Variants in DSCAM observed in about 807,000 individuals in gnomAD.
The protein encoded by DSCAM is DS cell adhesion molecule.
In DSCAM, 47 loss-of-function variants were observed where a neutral mutation model predicts 217.7. That is an observed-to-expected ratio of 0.22 (90% confidence interval 0.17 to 0.28). The LOEUF (loss-of-function observed/expected upper bound fraction) is 0.28. Ranked by LOEUF, DSCAM falls within the 10% of genes least tolerant of loss-of-function variation. The pLI is 1.00. For synonymous variants in DSCAM, 1,056 were observed against 1,015.3 expected, an observed-to-expected ratio of 1.04 and a Z score of -0.76; for missense variants, 2,080 against 2,618.3, an observed-to-expected ratio of 0.79 and a Z score of 4.49.
At chr21:40,230,829 C>T (rs2091374558) in intron 11 of DSCAM, among the ~76,000 whole-genome samples, 2 of 151,870 alleles carry the variant, frequency 1.3e-5, no homozygotes, top group South Asian at 4.1e-4. Context: ...GGGGAGTGTT[C>T]CATACTTATG....
At chr21:40,827,894 C>G (rs1391788234) in intron 1 of DSCAM, among the ~76,000 whole-genome samples, 1 of 152,210 alleles carries the variant, frequency 6.6e-6, no homozygotes, top group African/African-American at 2.4e-5. Context: ...AAAAACTGAT[C>G]TTTCAGCACA....
intron 3 of DSCAM, among the ~76,000 whole-genome samples, chr21:40,387,881 A>G (rs2075101061): frequency 6.6e-6 from 1 of 152,236 alleles, no homozygotes; most frequent in Non-Finnish European, 1.5e-5. Flanking sequence ...AATAAAACAC[A>G]TAACCCTTGA....
intron 8 of DSCAM, 42 bp downstream of exon 8, chr21:40,338,059 C>A: frequency 1.2e-6 from 2 of 1,600,986 alleles, no homozygotes; most frequent in Non-Finnish European, 8.5e-7. Flanking sequence ...AGTAGTCGGG[C>A]TATGGAATGA....
At chr21:40,555,658 C>T (rs938833852) in intron 3 of DSCAM, among the ~76,000 whole-genome samples, 3 of 152,170 alleles carry the variant, frequency 2.0e-5, no homozygotes, top group Non-Finnish European at 4.4e-5. Context: ...TAAGACACAG[C>T]ATCTGATTCT....
intron 1 of DSCAM, among the ~76,000 whole-genome samples, chr21:40,745,985 G>T (rs548247180): frequency 6.6e-6 from 1 of 151,904 alleles, no homozygotes; most frequent in African/African-American, 2.4e-5. Context: ...ATCAGTTTAA[G>T]ATAACTTGTT....
intron 3 of DSCAM, among the ~76,000 whole-genome samples, chr21:40,642,513 G>T (rs1327382436): frequency 1.3e-5 from 2 of 152,246 alleles, no homozygotes; most frequent in African/African-American, 2.4e-5. Flanking sequence ...AGGAGTTTTT[G>T]GTTCCAGAGG....
At chr21:40,806,861 C>A (rs1398373698) in intron 1 of DSCAM, among the ~76,000 whole-genome samples, 8 of 151,986 alleles carry the variant, frequency 5.3e-5, no homozygotes, top group African/African-American at 1.9e-4. Flanking sequence ...AACACAAGAA[C>A]AGAAAACCAA....
Position 40,655,774 on chromosome 21 carries a change from C to T in DSCAM, c.508+37036G>A, listed in dbSNP as rs202192530. Among the ~76,000 whole-genome samples the T allele has an allele frequency of 6.6e-5, 10 of 152,126 alleles. No individual in the cohort carries two copies. In the East Asian group the frequency reaches 1.9e-3, roughly 29 times the overall value. Reference sequence around the variant, plus strand: ...CCTCTTTTTTAAGACCACTAATCCACCTGGCATGGTAGGTCATGCCTATAA... The same window carrying T: ...CCTCTTTTTTAAGACCACTAATCCATCTGGCATGGTAGGTCATGCCTATAA... On this transcript the variant is annotated intron_variant, in intron 3 of 32. Coordinates refer to ENST00000400454, the MANE Select transcript of DSCAM (RefSeq NM_001389.5).
At chr21:40,063,406 A>AT (rs959851405) in intron 27 of DSCAM, among the ~76,000 whole-genome samples, 26 of 148,712 alleles carry the variant, frequency 1.7e-4, no homozygotes, top group African/African-American at 4.4e-4. Flanking sequence ...AAAAAACTTT[A>AT]TTTTTTTTTT....
intron 1 of DSCAM, among the ~76,000 whole-genome samples, chr21:40,751,855 A>G (rs1295735468): frequency 1.3e-5 from 2 of 152,222 alleles, no homozygotes; most frequent in African/African-American, 4.8e-5. Flanking sequence ...TTAAAAAATC[A>G]TTGAAGCAAG....
chr21:40,816,122 T>C (rs1407064291), intron 1 of DSCAM, among the ~76,000 whole-genome samples: 2 of 152,090 alleles, frequency 1.3e-5, no homozygotes, highest in African/African-American at 2.4e-5. Flanking sequence ...TTCTAAAAAG[T>C]GGGGATAACA....
chr21:40,473,129 T>A (rs2075903383), intron 3 of DSCAM, among the ~76,000 whole-genome samples: 1 of 152,178 alleles, frequency 6.6e-6, no homozygotes, highest in South Asian at 2.1e-4. Flanking sequence ...CCATGGCAAC[T>A]CAGTTTACCT....
intron 11 of DSCAM, among the ~76,000 whole-genome samples, chr21:40,220,196 A>T (rs1408554010): frequency 6.6e-6 from 1 of 152,168 alleles, no homozygotes; most frequent in African/African-American, 2.4e-5. Context: ...CTTTGGGAAG[A>T]TGTGAGCACC....
chr21:40,283,527 GT>G (rs2073789880), intron 10 of DSCAM, among the ~76,000 whole-genome samples: 1 of 152,184 alleles, frequency 6.6e-6, no homozygotes, highest in Non-Finnish European at 1.5e-5. Flanking sequence ...ACGGCAGATT[GT>G]CACCAAATGA....
intron 11 of DSCAM, among the ~76,000 whole-genome samples, chr21:40,228,380 T>C (rs2091352378): frequency 1.3e-5 from 2 of 152,206 alleles, no homozygotes; most frequent in South Asian, 4.1e-4. Flanking sequence ...TCAGGAAAAT[T>C]TGGCTATTGT....
At chr21:40,766,691 A>AATTTT (rs1555887014) in intron 1 of DSCAM, among the ~76,000 whole-genome samples, 1 of 65,872 alleles carries the variant, frequency 1.5e-5, no homozygotes, top group Non-Finnish European at 2.8e-5. Context: ...AAAAAAAACA[A>AATTTT]CTTTTTTTTT....
At chr21:40,638,125 G>A (rs908186390) in intron 3 of DSCAM, among the ~76,000 whole-genome samples, 2 of 152,176 alleles carry the variant, frequency 1.3e-5, no homozygotes, top group African/African-American at 2.4e-5. Context: ...ATAACATACT[G>A]GAAGAAGAAA....
intron 3 of DSCAM, among the ~76,000 whole-genome samples, chr21:40,668,757 C>T (rs921597198): frequency 7.2e-5 from 11 of 152,102 alleles, no homozygotes; most frequent in Non-Finnish European, 1.3e-4. Flanking sequence ...CATGTCATAT[C>T]ATTTTCAGAA....
intron 3 of DSCAM, among the ~76,000 whole-genome samples, chr21:40,606,977 C>T (rs773393425): frequency 1.3e-5 from 2 of 152,304 alleles, no homozygotes; most frequent in Non-Finnish European, 1.5e-5. Flanking sequence ...TGACTTGGTC[C>T]TCCTTGCCTT....
Sources: allele counts gnomAD v4.1 joint callset (sites outside exome capture counted in the v4.1 genomes callset), GRCh38; gene constraint gnomAD v4.1.1; transcripts MANE v1.5; gene names NCBI Gene and HGNC (gene_info 2026-07-23, HGNC 2026-07-21).